SEMA3F: variants seen among roughly 807,000 people sequenced by gnomAD.
The protein encoded by SEMA3F is semaphorin-3F.
A neutral mutation model predicts 98.5 loss-of-function variants in SEMA3F; 30 were observed. The observed-to-expected ratio is 0.30, with a 90% confidence interval of 0.23 to 0.41. SEMA3F has a LOEUF of 0.41. SEMA3F is among the 10% of genes least tolerant of loss of function. The pLI, the probability that SEMA3F is intolerant of heterozygous loss-of-function variation, is 1.00. For synonymous variants in SEMA3F, 380 were observed against 444.8 expected (o/e 0.85, Z 1.83); for missense variants, 866 against 1,119.3 (o/e 0.77, Z 3.23).
At position 50,184,682 on chromosome 3, in the gene SEMA3F, T is replaced by C; in HGVS notation, c.1324T>C (p.Tyr442His). 1 of 1,614,160 alleles carries C rather than the reference T, an allele frequency of 6.2e-7. No homozygotes were observed. The highest frequency in any genetic ancestry group is 8.5e-7 in the Non-Finnish European group (1 of 1,179,976). The part of the protein sequence containing the change: ...INFMRSHPLM[Y>H]QAVYPLQRRP... Reference sequence around the variant, plus strand: ...CTTCATGCGCAGCCACCCACTCATGTACCAGGCCGTGTACCCTCTGCAGCG... The same window carrying C: ...CTTCATGCGCAGCCACCCACTCATGCACCAGGCCGTGTACCCTCTGCAGCG... The change falls in exon 13 of 19, where the codon TAC (tyrosine) becomes CAC (histidine). Residue 442 changes from tyrosine (Y) to histidine (H), a missense_variant. Physicochemically the swap from Tyr to His is moderately conservative, Grantham distance 83. Around this residue, in one of 3 missense-constraint regions of SEMA3F, gnomAD observed 374 missense variants for 582.8 expected, o/e 0.64. Coordinates refer to ENST00000002829, the MANE Select transcript of SEMA3F (RefSeq NM_004186.5).
rs6446202 is a variant in SEMA3F at position 50,182,558 on chromosome 3, C to G, written c.764-86C>G. 0.12 allele frequency: 194,649 copies of G among 1,581,126 alleles called. 13,804 individuals are homozygous for G. The highest frequency in any genetic ancestry group is 0.32 in the African/African-American group (23,852 of 74,338). On this transcript the variant is annotated intron_variant, in intron 8 of 18. Coordinates refer to ENST00000002829, the MANE Select transcript of SEMA3F (RefSeq NM_004186.5). This position sits in a 1 kb window ranked among gnomAD's most constrained non-coding sequence, Gnocchi z 4.5. ...TATCTGGAGAGGAGTTGGGGGTGTT[C>G]TTGCACCTGGCTGGGGATTCTGTTG...
chr3:50,184,882 C>T, intron 13 of SEMA3F, 68 bp downstream of exon 13: 1 of 1,232,036 alleles, frequency 8.1e-7, no homozygotes, highest in Non-Finnish European at 1.2e-6. Context: ...ATCCTTGGGG[C>T]TGGGGCTTGC....
chr3:50,176,545 C>T (rs550995496), intron 6 of SEMA3F, among the ~76,000 whole-genome samples: 5 of 152,190 alleles, frequency 3.3e-5, no homozygotes, highest in Non-Finnish European at 5.9e-5. Context: ...CAGGTCTTCC[C>T]TAAGACCTGG....
At chr3:50,173,496 G>T (rs1442292805) in intron 2 of SEMA3F, 1 of 372,482 alleles carries the variant, frequency 2.7e-6, no homozygotes, top group Non-Finnish European at 4.9e-6. Context: ...CAAAAAATAA[G>T]CTGGGTGTGG....
At chr3:50,157,076 C>T (rs1243028504) in intron 1 of SEMA3F, among the ~76,000 whole-genome samples, 4 of 152,058 alleles carry the variant, frequency 2.6e-5, no homozygotes, top group Admixed American at 6.5e-5. Context: ...TGTTCCCCTA[C>T]GGCCCCTGTT....
At position 50,184,760 on chromosome 3, in the gene SEMA3F, G is replaced by A. The variant is rs754239925; in HGVS notation, c.1402G>A (p.Val468Met). 5.6e-6 allele frequency: 9 copies of A among 1,614,000 alleles called. No individual in the cohort carries two copies. In the East Asian group the frequency reaches 1.3e-4, roughly 24 times the overall value. ...TCCCTACCGCCTTACCACTATTGCC[G>A]TGGACCAGGTGGATGCAGCCGACGG... ...GAPYRLTTIAVDQVDAADGRY... is the reference protein window; with the variant it reads ...GAPYRLTTIAMDQVDAADGRY... The change falls in exon 13 of 19, where the codon GTG (valine) becomes ATG (methionine). Residue 468 changes from valine (V) to methionine (M), a missense_variant. Physicochemically the swap from Val to Met is conservative, Grantham distance 21. Transcript: ENST00000002829.
chr3:50,173,049 A>G (rs967504820), intron 2 of SEMA3F, among the ~76,000 whole-genome samples: 10 of 152,176 alleles, frequency 6.6e-5, no homozygotes, highest in Non-Finnish European at 1.0e-4. Flanking sequence ...AGGGCTGTCT[A>G]TGAATCAGGG....
At chr3:50,176,917 G>T (rs1698838370) in intron 7 of SEMA3F, 56 bp downstream of exon 7, 1 of 1,373,776 alleles carries the variant, frequency 7.3e-7, no homozygotes, top group African/African-American at 1.4e-5. Flanking sequence ...TGCCCCTGGA[G>T]ATGGGGCATG....
At chr3:50,178,870 C>T (rs1480319850) in intron 7 of SEMA3F, among the ~76,000 whole-genome samples, 5 of 115,482 alleles carry the variant, frequency 4.3e-5, no homozygotes, top group East Asian at 5.3e-4. Flanking sequence ...CTCGCTCTGT[C>T]GCCCAGGCTG....
At chr3:50,186,231 G>C (rs537398656) in intron 16 of SEMA3F, 50 bp from the exon 17 acceptor site, 8 of 1,579,660 alleles carry the variant, frequency 5.1e-6, no homozygotes, top group Non-Finnish European at 6.9e-6. Context: ...ACAGGGACCT[G>C]GGGGGGCAAG....
intron 2 of SEMA3F, among the ~76,000 whole-genome samples, chr3:50,168,554 C>A (rs1698488734): frequency 6.6e-6 from 1 of 152,144 alleles, no homozygotes; most frequent in Non-Finnish European, 1.5e-5. Flanking sequence ...CCTCCCTGCC[C>A]CCCCGCTTAG....
At chr3:50,174,025 T>A in intron 3 of SEMA3F, 27 bp from the exon 4 acceptor site, 1 of 1,613,892 alleles carries the variant, frequency 6.2e-7, no homozygotes, top group Non-Finnish European at 8.5e-7. Flanking sequence ...TCCAGAAGGC[T>A]GCACCTTCTG....
rs1295224327 is a variant in SEMA3F, at chr3:50,170,837, C to T, written c.113-2956C>T. 2.6e-5 allele frequency among the ~76,000 whole-genome samples: 4 copies of T among 152,096 alleles called. No individual in the cohort carries two copies. The East Asian group carries it at 7.7e-4, about 29-fold the overall frequency. On this transcript the variant is annotated intron_variant, in intron 2 of 18. Transcript: ENST00000002829. ...TTCCACAGTGACCAAAGCGTCACGT[C>T]CTGTGACACCAGAGCCATTGACGCC...
In SEMA3F at chr3:50,155,874, G is replaced by C. The variant is rs917252881; in HGVS notation, c.-49+310G>C. 3 of 155,300 alleles carry C rather than the reference G, an allele frequency of 1.9e-5. No homozygotes were observed. The Admixed American group carries it at 2.0e-4, about 10-fold the overall frequency. The allele number at this position is 155,300 out of a possible 1,614,324, so 9.6% of individuals were successfully genotyped here. Reference sequence around the variant, plus strand: ...TGCTCTCATACACCCCCACCTTCACGCTTCTGGAGCGGGAGTTCCGATCCC... The same window carrying C: ...TGCTCTCATACACCCCCACCTTCACCCTTCTGGAGCGGGAGTTCCGATCCC... On this transcript the variant is annotated intron_variant, in intron 1 of 18. Transcript: ENST00000002829. This position sits in a 1 kb window ranked among gnomAD's most constrained non-coding sequence, Gnocchi z 4.9.
chr3:50,172,410 C>A (rs2109084032), intron 2 of SEMA3F, among the ~76,000 whole-genome samples: 1 of 152,206 alleles, frequency 6.6e-6, no homozygotes, highest in East Asian at 1.9e-4. Context: ...GCTCTCCCTC[C>A]CCTTGGAGGC....
intron 2 of SEMA3F, 142 bp from the exon 3 acceptor site, chr3:50,173,643 TAAAAAGAA>T (rs1698695757): frequency 3.0e-6 from 2 of 663,714 alleles, no homozygotes; most frequent in African/African-American, 1.8e-5. Context: ...CTTGATCTCG[TAAAAAGAA>T]AAAAAGAAAG....
intron 17 of SEMA3F, 128 bp from the exon 18 acceptor site, chr3:50,186,483 ATG>A: frequency 7.1e-7 from 1 of 1,399,752 alleles, no homozygotes; most frequent in Non-Finnish European, 9.9e-7. Context: ...TGGAGATGGG[ATG>A]TCCCTAGTTG....
At position 50,188,127 on chromosome 3, in the gene SEMA3F, T is replaced by G. The variant is rs955158633; in HGVS notation, c.*12T>G. The G allele has an allele frequency of 1.2e-5, 18 of 1,455,932 alleles. No homozygotes were observed. The highest frequency in any genetic ancestry group is 2.6e-5 in the Admixed American group (1 of 39,198). 90.2% of individuals were successfully genotyped at this position (1,455,932 alleles called of 1,614,324 possible). On this transcript the variant is annotated 3_prime_UTR_variant, in exon 19 of 19. Coordinates refer to ENST00000002829, the MANE Select transcript of SEMA3F (RefSeq NM_004186.5). The surrounding 1 kb of genome is among the most constrained non-coding windows in gnomAD (Gnocchi z 4.5). ...CTCCGGACACATGAGGCCAGCTGCC[T>G]GTGCCTGCCATGGGCCAGCCTAGCC...
rs1384848366 is a variant in SEMA3F, at chr3:50,158,927, C to T, written c.-48-648C>T. 2.6e-5 allele frequency: 4 copies of T among 152,252 alleles called. No homozygotes were observed. The highest frequency in any genetic ancestry group is 9.7e-5 in the African/African-American group (4 of 41,438). The allele number at this position is 152,252 out of a possible 1,614,324, so 9.4% of individuals were successfully genotyped here. A position where few individuals can be genotyped will look rare whatever the true frequency, so the allele number is the denominator to read the frequency against. The stretch of plus-strand genomic sequence containing the variant: ...TCTAGAGGCGGAGCTGGAAGTTTTC[C>T]CTGGCAGGAAGTCCTTCTGCCTGTC... On this transcript the variant is annotated intron_variant, in intron 1 of 18. Transcript: ENST00000002829. The surrounding 1 kb of genome is among the most constrained non-coding windows in gnomAD (Gnocchi z 4.8).
Sources: gnomAD v4.1 joint callset for allele counts (sites outside exome capture counted in the v4.1 genomes callset) on GRCh38, gnomAD v4.1.1 for gene constraint, gnomAD v4.1.1 regional missense constraint, Gnocchi (gnomAD v3.1) non-coding constraint, MANE v1.5 for transcripts, NCBI Gene and HGNC (gene_info 2026-07-23, HGNC 2026-07-21) for gene names.